Variants in TVP23A observed in about 807,000 individuals in gnomAD.
TVP23A encodes Golgi apparatus membrane protein TVP23 homolog A.
TVP23A carries 21 observed loss-of-function variants against 31.7 expected under a neutral mutation model. That is an observed-to-expected ratio of 0.66 (90% CI 0.47 to 0.95). The LOEUF (loss-of-function observed/expected upper bound fraction) is 0.95, where lower values mean the gene tolerates loss of function less well. Ranked by LOEUF, TVP23A falls within the 40% of genes least tolerant of loss-of-function variation. TVP23A has a pLI of 0.00. For synonymous variants in TVP23A, 104 were observed against 96.0 expected, an observed-to-expected ratio of 1.08 and a Z score of -0.49; for missense variants, 279 against 255.6, an observed-to-expected ratio of 1.09 and a Z score of -0.62.
chr16:10,815,365 T>C (rs572132504), intron 2 of TVP23A, among the ~76,000 whole-genome samples: 42 of 152,262 alleles, frequency 2.8e-4, no homozygotes, highest in African/African-American at 9.6e-4. Flanking sequence ...TGAGCCGAGA[T>C]TGCACCACTG....
Position 10,771,713 on chromosome 16 carries a change from C to T in TVP23A, c.539G>A (p.Gly180Asp), listed in dbSNP as rs757122452. Residue 180 changes from glycine (G) to aspartate (D), a missense_variant, in exon 6 of 8, where the codon GGC becomes GAC. Gly to Asp is a moderately conservative substitution (Grantham distance 94, BLOSUM62 -1). Coordinates refer to ENST00000299866, the MANE Select transcript of TVP23A (RefSeq NM_001079512.4). ...LCKMGGNSDI[G>D]KVTASFLSQT... ...GGACAGGAAACTGGCTGTGACCTTG[C>T]CAATGTCACTGTTGCCTCCCATCTT... 6.2e-7 allele frequency: 1 copy of T among 1,613,372 alleles called. No homozygotes were observed. The highest frequency in any genetic ancestry group is 2.2e-5 in the East Asian group (1 of 44,880).
chr16:10,773,252 G>T, intron 5 of TVP23A, 61 bp downstream of exon 5: 1 of 1,530,520 alleles, frequency 6.5e-7, no homozygotes, highest in Non-Finnish European at 8.8e-7. Flanking sequence ...AAAGCCTAGT[G>T]GTGCAAACAC....
In TVP23A at chr16:10,768,840, G is replaced by T. The variant is rs145440470; in HGVS notation, c.*262C>A. 413 of 526,006 alleles carry T rather than the reference G, an allele frequency of 7.9e-4. 5 individuals carry two copies. In the East Asian group the frequency reaches 9.9e-3, roughly 13 times the overall value. 32.6% of individuals were successfully genotyped at this position (526,006 alleles called of 1,614,324 possible). ...TCCATCTATAGATGGTCCGAGGAAG[G>T]CCGCAGCCACTGGTTATGAGCAAGA... is the stretch of plus-strand genomic sequence containing the variant. On this transcript the variant is annotated 3_prime_UTR_variant, in exon 8 of 8. Coordinates refer to ENST00000299866, the MANE Select transcript of TVP23A (RefSeq NM_001079512.4). This position sits in a 1 kb window ranked among gnomAD's most constrained non-coding sequence, Gnocchi z 4.3.
At chr16:10,791,516 C>A (rs1000505338) in intron 2 of TVP23A, among the ~76,000 whole-genome samples, 17 of 152,210 alleles carry the variant, frequency 1.1e-4, no homozygotes, top group African/African-American at 3.9e-4. Context: ...GGGTGAATGC[C>A]AGCAGCTGTG....
intron 4 of TVP23A, 29 bp from the exon 5 acceptor site, chr16:10,773,470 A>C (rs1223020498): frequency 6.4e-7 from 1 of 1,556,202 alleles, no homozygotes; most frequent in Non-Finnish European, 8.7e-7. Flanking sequence ...TCAAATGTCA[A>C]AACAAGTGGA....
At position 10,768,928 on chromosome 16, in the gene TVP23A, T is replaced by A; in HGVS notation, c.*174A>T. ...CAGGGCATCACAGACACAGGTCTTT[T>A]TATGGAACTAGCCAGAGGATTCCAC... is the stretch of plus-strand genomic sequence containing the variant. On this transcript the variant is annotated 3_prime_UTR_variant, in exon 8 of 8. Coordinates refer to ENST00000299866, the MANE Select transcript of TVP23A (RefSeq NM_001079512.4). This position sits in a 1 kb window ranked among gnomAD's most constrained non-coding sequence, Gnocchi z 4.3. 1 of 831,276 alleles carries A rather than the reference T, an allele frequency of 1.2e-6. No homozygotes were observed. Among genetic ancestry groups the A allele is most frequent in the South Asian group, 1.6e-5 (1 of 61,626 alleles). The allele number at this position is 831,276 out of a possible 1,614,324, so 51.5% of individuals were successfully genotyped here.
intron 3 of TVP23A, 54 bp downstream of exon 3, chr16:10,774,898 C>A: frequency 1.3e-6 from 2 of 1,543,240 alleles, no homozygotes; most frequent in Non-Finnish European, 1.8e-6. Context: ...ACCACGCACA[C>A]AGGGGACAAG....
rs2034522214 is a variant in TVP23A, at chr16:10,818,149, C to T, written c.43G>A (p.Asp15Asn). 1 of 1,609,248 alleles carries T rather than the reference C, an allele frequency of 6.2e-7. No individual in the cohort carries two copies. Among genetic ancestry groups the T allele is most frequent in the Non-Finnish European group, 8.5e-7 (1 of 1,178,020 alleles). ...LVDDTEDVSLDFGNEEELAFR... is the reference protein window; with the variant it reads ...LVDDTEDVSLNFGNEEELAFR... ...GCCAGCTCCTCCTCGTTTCCAAAGT[C>T]CAGGGACACATCCTCGGTATCGTCC... The change falls in exon 2 of 8, where the codon GAC (aspartate) becomes AAC (asparagine). Residue 15 changes from aspartate (D) to asparagine (N), a missense_variant. Transcript: ENST00000299866. This position sits in a 1 kb window ranked among gnomAD's most constrained non-coding sequence, Gnocchi z 4.7.
At chr16:10,785,810 G>A (rs898718239) in intron 2 of TVP23A, among the ~76,000 whole-genome samples, 3 of 152,164 alleles carry the variant, frequency 2.0e-5, no homozygotes, top group Admixed American at 1.3e-4. Flanking sequence ...AGAACTCTGA[G>A]CCCTTTGCAG....
chr16:10,780,752 T>C (rs1477134342), intron 2 of TVP23A, among the ~76,000 whole-genome samples: 3 of 152,116 alleles, frequency 2.0e-5, no homozygotes, highest in Admixed American at 6.6e-5. Flanking sequence ...TAAAAGTGCC[T>C]GAAACACACA....
rs953671910 is a variant in TVP23A, at chr16:10,771,741, A to C, written c.511T>G (p.Cys171Gly). Residue 171 changes from cysteine (C) to glycine (G), a missense_variant, in exon 6 of 8, where the codon TGT becomes GGT. Transcript: ENST00000299866. Reference sequence around the variant, plus strand: ...ATGTCACTGTTGCCTCCCATCTTACAAAGGATGTAGCCATACAGGTTTGCA... The same window carrying C: ...ATGTCACTGTTGCCTCCCATCTTACCAAGGATGTAGCCATACAGGTTTGCA... ...QAANLYGYIL[C>G]KMGGNSDIGK... 1 of 1,609,056 alleles carries C rather than the reference A, an allele frequency of 6.2e-7. No homozygotes were observed. Among genetic ancestry groups the C allele is most frequent in the Non-Finnish European group, 8.5e-7 (1 of 1,177,690 alleles).
At chr16:10,776,321 G>T (rs2032017803) in intron 2 of TVP23A, among the ~76,000 whole-genome samples, 2 of 151,988 alleles carry the variant, frequency 1.3e-5, no homozygotes, top group Non-Finnish European at 2.9e-5. Flanking sequence ...GTTGCAGTGA[G>T]CCAAGATCAC....
Position 10,818,657 on chromosome 16 carries a change from G to C in TVP23A, c.-164C>G. The C allele has an allele frequency of 2.4e-6, 2 of 833,760 alleles. No homozygotes were observed. Among genetic ancestry groups the C allele is most frequent in the Non-Finnish European group, 1.7e-6 (1 of 581,608 alleles). 51.6% of individuals were successfully genotyped at this position (833,760 alleles called of 1,614,324 possible). Reference sequence around the variant, plus strand: ...GCAGCCTCAGCGCAGCTTCTCGGGTGGGGCGGGGCGCTCGGGGCCTAAGGC... The same window carrying C: ...GCAGCCTCAGCGCAGCTTCTCGGGTCGGGCGGGGCGCTCGGGGCCTAAGGC... On this transcript the variant is annotated 5_prime_UTR_variant, in exon 1 of 8. Coordinates refer to ENST00000299866, the MANE Select transcript of TVP23A (RefSeq NM_001079512.4). The surrounding 1 kb of genome is among the most constrained non-coding windows in gnomAD (Gnocchi z 4.7).
downstream of TVP23A, among the ~76,000 whole-genome samples, chr16:10,760,454 G>A (rs1475879540): frequency 6.6e-6 from 1 of 152,218 alleles, no homozygotes; most frequent in Admixed American, 6.5e-5. Flanking sequence ...TGCGTTAAAA[G>A]GTCATTTTCA....
intron 6 of TVP23A, among the ~76,000 whole-genome samples, chr16:10,770,638 C>T (rs1263924505): frequency 1.3e-5 from 2 of 151,196 alleles, no homozygotes; most frequent in African/African-American, 4.9e-5. Flanking sequence ...TTTGGGAGGC[C>T]AAGGCTGGTA....
At chr16:10,771,594 C>T (rs895524512) in intron 6 of TVP23A, 76 bp downstream of exon 6, 12 of 1,575,814 alleles carry the variant, frequency 7.6e-6, no homozygotes, top group Middle Eastern at 1.7e-4. Flanking sequence ...CATTACAAAC[C>T]GCAGTTGCCA....
At chr16:10,804,470 G>A (rs554474362) in intron 2 of TVP23A, among the ~76,000 whole-genome samples, 33 of 152,298 alleles carry the variant, frequency 2.2e-4, no homozygotes, top group African/African-American at 7.2e-4. Flanking sequence ...CCAGCAGGCC[G>A]GGCACAGTAG....
chr16:10,780,999 T>A (rs1720872949), intron 2 of TVP23A, among the ~76,000 whole-genome samples: 1 of 152,080 alleles, frequency 6.6e-6, no homozygotes, highest in African/African-American at 2.4e-5. Flanking sequence ...TTCCACACAG[T>A]ATCCAACATC....
At chr16:10,757,855 G>A (rs370899562), downstream of TVP23A, 50 of 1,608,108 alleles carry the variant, frequency 3.1e-5, no homozygotes, top group African/African-American at 4.7e-4. The surrounding 1 kb of genome is among the most constrained non-coding windows in gnomAD (Gnocchi z 4.1). Context: ...AGCATCCCCT[G>A]TGGATTCCTC....
Sources: gnomAD v4.1 joint callset for allele counts (sites outside exome capture counted in the v4.1 genomes callset) on GRCh38, gnomAD v4.1.1 for gene constraint, Gnocchi (gnomAD v3.1) non-coding constraint, MANE v1.5 for transcripts, NCBI Gene and HGNC (gene_info 2026-07-23, HGNC 2026-07-21) for gene names.